The following TERT variants were observed in gnomAD, a reference collection of about 807,000 sequenced individuals.
TERT encodes telomerase catalytic subunit.
TERT carries 42 observed loss-of-function variants against 104.0 expected under a neutral mutation model. The ratio of observed to expected loss-of-function variants is 0.40; its 90% CI spans 0.32 to 0.52. The LOEUF (loss-of-function observed/expected upper bound fraction) is 0.52. TERT is among the 20% of genes least tolerant of loss of function. The pLI, the probability that TERT is intolerant of heterozygous loss-of-function variation, is 0.43. For synonymous variants in TERT, 781 were observed against 725.6 expected (o/e 1.08, Z -1.23); for missense variants, 1,101 against 1,610.3 (o/e 0.68, Z 5.41).
At position 1,269,504 on chromosome 5, in the gene TERT, G is replaced by A. The variant is rs959890534; in HGVS notation, c.2469-871C>T. On this transcript the variant is annotated intron_variant, in intron 8 of 15. Coordinates refer to ENST00000310581, the MANE Select transcript of TERT (RefSeq NM_198253.3). This position sits in a 1 kb window ranked among gnomAD's most constrained non-coding sequence, Gnocchi z 9.0. ...TGGGTGCCTGTAATCTCAGCTGCTC[G>A]GGAGGCTGAGGCAGGAGAAATGCTG... Among the ~76,000 whole-genome samples, 1 of 152,010 alleles carries A rather than the reference G, an allele frequency of 6.6e-6. No individual in the cohort carries two copies. Among genetic ancestry groups the A allele is most frequent in the Admixed American group, 6.6e-5 (1 of 15,242 alleles).
intron 12 of TERT, among the ~76,000 whole-genome samples, chr5:1,259,863 G>A (rs1160217868): frequency 2.1e-5 from 3 of 143,964 alleles, no homozygotes; most frequent in Non-Finnish European, 3.0e-5. Context: ...GAGTGGACAC[G>A]GACAACCACA....
rs1230907075 is a variant in TERT at position 1,253,547 on chromosome 5, G to T, written c.*181C>A. 9 of 636,938 alleles carry T rather than the reference G, an allele frequency of 1.4e-5. No homozygotes were observed. The Admixed American group carries it at 1.9e-4, about 13-fold the overall frequency. 39.5% of individuals were successfully genotyped at this position (636,938 alleles called of 1,614,324 possible). A position where few individuals can be genotyped will look rare whatever the true frequency, so the allele number is the denominator to read the frequency against. ...AGCCCTTGGCTGGACACTCGCTCAGGCCTCAGCCGGACACTCAGCCTTCAG... is the reference window on the plus strand; with the variant it reads ...AGCCCTTGGCTGGACACTCGCTCAGTCCTCAGCCGGACACTCAGCCTTCAG... On this transcript the variant is annotated 3_prime_UTR_variant, in exon 16 of 16. Coordinates refer to ENST00000310581, the MANE Select transcript of TERT (RefSeq NM_198253.3).
rs918680428 is a variant in TERT, at chr5:1,274,297, C to T, written c.2287-2017G>A. ...CTTCCCAACCCAGGAGCAGGCAACA[C>T]GCCCACAAATAGCCCATGGGTCTGA... On this transcript the variant is annotated intron_variant, in intron 6 of 15. Transcript: ENST00000310581. The surrounding 1 kb of genome is among the most constrained non-coding windows in gnomAD (Gnocchi z 5.3). Among the ~76,000 whole-genome samples the T allele has an allele frequency of 2.6e-5, 4 of 152,232 alleles. No homozygotes were observed. Among genetic ancestry groups the T allele is most frequent in the East Asian group, 1.9e-4 (1 of 5,196 alleles).
At chr5:1,285,968 G>C (rs182916577) in intron 2 of TERT, among the ~76,000 whole-genome samples, 4 of 151,990 alleles carry the variant, frequency 2.6e-5, no homozygotes, top group African/African-American at 9.7e-5. Flanking sequence ...CAGAAGGGAG[G>C]AAGCAGACAC....
At chr5:1,280,441 G>A (rs2126645067) in intron 3 of TERT, 103 bp from the exon 4 acceptor site, 1 of 1,286,938 alleles carries the variant, frequency 7.8e-7, no homozygotes, top group Non-Finnish European at 1.1e-6. Flanking sequence ...AGGGCTCAGG[G>A]CACCCACGGC....
Position 1,287,521 on chromosome 5 carries a change from A to G in TERT, c.1574-4897T>C, listed in dbSNP as rs967234116. Among the ~76,000 whole-genome samples the G allele has an allele frequency of 6.7e-6, 1 of 149,854 alleles. No individual in the cohort carries two copies. The highest frequency in any genetic ancestry group is 6.7e-5 in the Admixed American group (1 of 15,028). Reference sequence around the variant, plus strand: ...TCAAAAAAAAAAAATATATATATATATATATAAATTAAAGGCAGAAAACAG... The same window carrying G: ...TCAAAAAAAAAAAATATATATATATGTATATAAATTAAAGGCAGAAAACAG... On this transcript the variant is annotated intron_variant, in intron 2 of 15. Transcript: ENST00000310581. The surrounding 1 kb of genome is among the most constrained non-coding windows in gnomAD (Gnocchi z 4.3).
intron 11 of TERT, chr5:1,264,181 A>C: frequency 1.7e-6 from 1 of 589,326 alleles, no homozygotes; most frequent in Admixed American, 2.9e-5. Flanking sequence ...ATTTCCTTTT[A>C]CCAAAATAGC....
intron 12 of TERT, 150 bp from the exon 13 acceptor site, chr5:1,258,809 C>T: frequency 2.5e-6 from 2 of 795,124 alleles, no homozygotes; most frequent in Non-Finnish European, 4.2e-6. Context: ...TCCGGCCTGG[C>T]CCTCACCCGG....
At chr5:1,280,033 C>A (rs964292007) in intron 4 of TERT, 125 bp downstream of exon 4, 7 of 1,289,718 alleles carry the variant, frequency 5.4e-6, no homozygotes, top group South Asian at 4.9e-5. Flanking sequence ...AATGGGTTGG[C>A]GCCGTGCCAT....
chr5:1,280,990 ACCGCAGG>A (rs902835785), intron 3 of TERT, among the ~76,000 whole-genome samples: 6 of 152,126 alleles, frequency 3.9e-5, no homozygotes, highest in Non-Finnish European at 7.4e-5. Context: ...TGGTGCCCTG[ACCGCAGG>A]CCGCAGGCCC....
chr5:1,282,046 C>T (rs1340639569), intron 3 of TERT, among the ~76,000 whole-genome samples: 1 of 151,914 alleles, frequency 6.6e-6, no homozygotes. Context: ...CAAGATTATG[C>T]CACTGCACTC....
In TERT at chr5:1,293,550, G is replaced by A. The variant is rs567650961; in HGVS notation, c.1336C>T (p.Arg446Cys). 3.2e-6 allele frequency: 5 copies of A among 1,549,050 alleles called. No homozygotes were observed. Among genetic ancestry groups the A allele is most frequent in the Non-Finnish European group, 4.4e-6 (5 of 1,145,526 alleles). The change falls in exon 2 of 16, where the codon CGT becomes TGT. Residue 446 changes from arginine (R) to cysteine (C), a missense_variant. This residue lies in a region of TERT where 504 missense variants were observed against 544.6 expected (regional missense o/e 0.93). Transcript: ENST00000310581. Reference sequence around the variant, plus strand: ...TGGCGGAGCAGCTGCACCAGGCGACGGGGGTCTGTGTCCTCCTCCTCGGGG... The same window carrying A: ...TGGCGGAGCAGCTGCACCAGGCGACAGGGGTCTGTGTCCTCCTCCTCGGGG... Reference protein sequence around the residue: ...AAPEEEDTDPRRLVQLLRQHS... With the variant: ...AAPEEEDTDPCRLVQLLRQHS...
rs894650147 is a variant in TERT, at chr5:1,288,868, G to C, written c.1573+4445C>G. On this transcript the variant is annotated intron_variant, in intron 2 of 15. Coordinates refer to ENST00000310581, the MANE Select transcript of TERT (RefSeq NM_198253.3). The surrounding 1 kb of genome is among the most constrained non-coding windows in gnomAD (Gnocchi z 5.3). ...AAGCTGTGGCTGCAGTGCCTGGCAC[G>C]CGGGAGGCGAGAGCCTGCAGTCCCG... Among the ~76,000 whole-genome samples, 106 of 152,302 alleles carry C rather than the reference G, an allele frequency of 7.0e-4. No individual in the cohort carries two copies. Among genetic ancestry groups the C allele is most frequent in the African/African-American group, 2.5e-3 (103 of 41,550 alleles).
rs185857822 is a variant in TERT, at chr5:1,285,219, C to T, written c.1574-2595G>A. 7.2e-3 allele frequency among the ~76,000 whole-genome samples: 1,078 copies of T among 150,056 alleles called. 5 individuals carry two copies. The highest frequency in any genetic ancestry group is 0.011 in the Non-Finnish European group (726 of 67,448). ...TGACCTGCACCATCCAGACACCACA[C>T]ATCCAGCTCACAGCAGGGCCTGGCG... On this transcript the variant is annotated intron_variant, in intron 2 of 15. Transcript: ENST00000310581.
chr5:1,254,834 G>A (rs1287637622), intron 14 of TERT, among the ~76,000 whole-genome samples: 3 of 151,824 alleles, frequency 2.0e-5, no homozygotes, highest in South Asian at 4.1e-4. Context: ...AGGACGGCGC[G>A]GGGCTCTGTC....
chr5:1,271,557 C>A (rs1330998646), intron 7 of TERT, among the ~76,000 whole-genome samples: 1 of 152,132 alleles, frequency 6.6e-6, no homozygotes, highest in Non-Finnish European at 1.5e-5. Flanking sequence ...CCACCCCCAC[C>A]CTGGGAGCCA....
chr5:1,293,490 G>A lies in TERT; in HGVS notation c.1396C>T (p.Arg466Trp). Reference protein sequence around the residue: ...SSPWQVYGFVRACLRRLVPPG... With the variant: ...SSPWQVYGFVWACLRRLVPPG... Reference sequence around the variant, plus strand: ...GGCACCAGCCGGCGCAGGCAGGCCCGCACGAAGCCGTACACCTGCCAGGGG... The same window carrying A: ...GGCACCAGCCGGCGCAGGCAGGCCCACACGAAGCCGTACACCTGCCAGGGG... Residue 466 changes from arginine (R) to tryptophan (W), a missense_variant, in exon 2 of 16, where the codon CGG becomes TGG. This residue lies in a region of TERT where 504 missense variants were observed against 544.6 expected (regional missense o/e 0.93). Coordinates refer to ENST00000310581, the MANE Select transcript of TERT (RefSeq NM_198253.3). The A allele has an allele frequency of 1.9e-6, 3 of 1,589,486 alleles. No homozygotes were observed. Among genetic ancestry groups the A allele is most frequent in the East Asian group, 2.3e-5 (1 of 43,484 alleles).
chr5:1,259,918 T>C (rs28576270), intron 12 of TERT, among the ~76,000 whole-genome samples: 10,715 of 122,130 alleles, frequency 0.088, 1,314 homozygotes, highest in African/African-American at 0.3. Flanking sequence ...AGGGAGTGGA[T>C]GCGGATGCCC....
In TERT at chr5:1,282,771, C is replaced by T. The variant is rs1239041178; in HGVS notation, c.1574-147G>A. 1.9e-5 allele frequency: 15 copies of T among 798,826 alleles called. No individual in the cohort carries two copies. In the Admixed American group the frequency reaches 3.0e-4, roughly 16 times the overall value. 49.5% of individuals were successfully genotyped at this position (798,826 alleles called of 1,614,324 possible). On this transcript the variant is annotated intron_variant, in intron 2 of 15. Transcript: ENST00000310581. ...CTGCACCATCCGGACACGGCACATCCAGCCCACCAAGGGCCTGGCGACCTC... is the reference window on the plus strand; with the variant it reads ...CTGCACCATCCGGACACGGCACATCTAGCCCACCAAGGGCCTGGCGACCTC...
Sources: gnomAD v4.1 joint callset for allele counts (sites outside exome capture counted in the v4.1 genomes callset) on GRCh38, gnomAD v4.1.1 for gene constraint, gnomAD v4.1.1 regional missense constraint, Gnocchi (gnomAD v3.1) non-coding constraint, MANE v1.5 for transcripts, NCBI Gene and HGNC (gene_info 2026-07-23, HGNC 2026-07-21) for gene names.